GNB1L: variants seen among roughly 807,000 people sequenced by gnomAD.
GNB1L encodes the protein guanine nucleotide-binding protein subunit beta-like protein 1.
In GNB1L, 20 loss-of-function variants were observed where a neutral mutation model predicts 29.1. The ratio of observed to expected loss-of-function variants is 0.69; its 90% CI spans 0.48 to 1.00. The LOEUF (loss-of-function observed/expected upper bound fraction) is 1.00. Among genes scored for constraint, GNB1L ranks in the 50% least tolerant of loss-of-function variants. The pLI, the probability that GNB1L is intolerant of heterozygous loss-of-function variation, is 0.00. For synonymous variants in GNB1L, 193 were observed against 206.5 expected (o/e 0.93, Z 0.56); for missense variants, 421 against 464.9 (o/e 0.91, Z 0.87).
At chr22:19,803,699 C>T (rs1201170224) in intron 6 of GNB1L, among the ~76,000 whole-genome samples, 1 of 152,170 alleles carries the variant, frequency 6.6e-6, no homozygotes, top group Non-Finnish European at 1.5e-5. Context: ...AGTGGTGCGT[C>T]TGAACTCACA....
At chr22:19,824,455 T>A (rs1049284424) in intron 2 of GNB1L, among the ~76,000 whole-genome samples, 40 of 152,222 alleles carry the variant, frequency 2.6e-4, no homozygotes, top group African/African-American at 9.6e-4. Context: ...AGCACAACTT[T>A]GGCTTCTGCC....
chr22:19,836,208 G>A (rs559089688), intron 2 of GNB1L, among the ~76,000 whole-genome samples: 58 of 152,022 alleles, frequency 3.8e-4, no homozygotes, highest in African/African-American at 1.4e-3. Context: ...AATTAAAGAA[G>A]GGTTATCACT....
chr22:19,844,786 C>A (rs1937925825), intron 2 of GNB1L, among the ~76,000 whole-genome samples: 1 of 152,248 alleles, frequency 6.6e-6, no homozygotes, highest in South Asian at 2.1e-4. Flanking sequence ...GGCAGGAACC[C>A]AGCCAGCAGA....
chr22:19,823,248 G>A (rs1937593235), intron 2 of GNB1L, among the ~76,000 whole-genome samples: 1 of 152,214 alleles, frequency 6.6e-6, no homozygotes, highest in African/African-American at 2.4e-5. Context: ...ACCTTTGGCT[G>A]AAAGCCAACT....
intron 2 of GNB1L, among the ~76,000 whole-genome samples, chr22:19,821,934 T>C (rs1386637139): frequency 1.3e-5 from 2 of 152,118 alleles, no homozygotes; most frequent in East Asian, 1.9e-4. Flanking sequence ...GTGTCTCTCT[T>C]GGGAGCCACC....
rs1041542844 is a variant in GNB1L, at chr22:19,816,128, C to T, written c.255-3681G>A. Among the ~76,000 whole-genome samples, 3 of 152,168 alleles carry T rather than the reference C, an allele frequency of 2.0e-5. No homozygotes were observed. The highest frequency in any genetic ancestry group is 2.9e-5 in the Non-Finnish European group (2 of 68,018). ...CGCGGGGCCCCGGCTGCCTCTGCCC[C>T]CTGCATGGCCCCTTCTCTCTCCCTG... On this transcript the variant is annotated intron_variant, in intron 4 of 7. Transcript: ENST00000329517. This position sits in a 1 kb window ranked among gnomAD's most constrained non-coding sequence, Gnocchi z 4.4.
intron 2 of GNB1L, among the ~76,000 whole-genome samples, chr22:19,834,011 G>A (rs1159281117): frequency 2.6e-5 from 4 of 151,862 alleles, no homozygotes; most frequent in Non-Finnish European, 4.4e-5. Flanking sequence ...TGGAATAATA[G>A]TAAAAGGTCT....
At chr22:19,818,947 C>T (rs1284144637) in intron 4 of GNB1L, among the ~76,000 whole-genome samples, 1 of 152,212 alleles carries the variant, frequency 6.6e-6, no homozygotes, top group Non-Finnish European at 1.5e-5. Context: ...GTCCCTCCCA[C>T]TCCCCATGGG....
At chr22:19,853,191 A>G (rs1001862618) in intron 2 of GNB1L, among the ~76,000 whole-genome samples, 4 of 149,922 alleles carry the variant, frequency 2.7e-5, no homozygotes, top group Non-Finnish European at 5.9e-5. Flanking sequence ...CCACCTTTCC[A>G]CAGTCCCCAT....
intron 2 of GNB1L, among the ~76,000 whole-genome samples, chr22:19,838,458 TA>T (rs1188078562): frequency 2.7e-5 from 4 of 147,270 alleles, no homozygotes; most frequent in African/African-American, 1.0e-4. Context: ...CTTATTTATT[TA>T]TTTTTTTATT....
At chr22:19,797,697 C>T (rs1377171927) in intron 7 of GNB1L, among the ~76,000 whole-genome samples, 1 of 152,176 alleles carries the variant, frequency 6.6e-6, no homozygotes, top group Non-Finnish European at 1.5e-5. Context: ...CTTGCCATGC[C>T]CTCAGCCACC....
intron 4 of GNB1L, among the ~76,000 whole-genome samples, chr22:19,814,191 A>C (rs1249305862): frequency 1.3e-5 from 2 of 152,160 alleles, no homozygotes; most frequent in African/African-American, 2.4e-5. Context: ...CCTATATTCC[A>C]ATTAAAGTAG....
intron 4 of GNB1L, 41 bp downstream of exon 4, chr22:19,820,557 C>T (rs370557688): frequency 7.1e-5 from 112 of 1,587,548 alleles, no homozygotes; most frequent in Non-Finnish European, 9.5e-5. Flanking sequence ...TTCCTGACTC[C>T]CCCGAAGGCC....
At chr22:19,848,311 T>C in intron 2 of GNB1L, 1 of 985,448 alleles carries the variant, frequency 1.0e-6, no homozygotes, top group Non-Finnish European at 1.2e-6. Flanking sequence ...CAGCAAACCC[T>C]GCCAGGCTCT....
chr22:19,794,430 G>T (rs1195539150), intron 7 of GNB1L, among the ~76,000 whole-genome samples: 1 of 152,170 alleles, frequency 6.6e-6, no homozygotes, highest in Non-Finnish European at 1.5e-5. Flanking sequence ...TGAGAAGGTT[G>T]CACACTCTTG....
chr22:19,830,724 G>A (rs1326522895), intron 2 of GNB1L, among the ~76,000 whole-genome samples: 1 of 152,186 alleles, frequency 6.6e-6, no homozygotes, highest in East Asian at 1.9e-4. Context: ...CAAAAATGTA[G>A]CATGCACAGA....
At chr22:19,843,509 A>G (rs1478416002) in intron 2 of GNB1L, among the ~76,000 whole-genome samples, 1 of 152,204 alleles carries the variant, frequency 6.6e-6, no homozygotes, top group Non-Finnish European at 1.5e-5. Flanking sequence ...CCCACCTCCC[A>G]GGGCTGACCG....
At chr22:19,846,101 A>G (rs1435500199) in intron 2 of GNB1L, 1 of 152,012 alleles carries the variant, frequency 6.6e-6, no homozygotes, top group Non-Finnish European at 1.5e-5. Context: ...TGGTCAGGAC[A>G]TAATAGGTTA....
At chr22:19,789,015 G>T (rs1427062019) in intron 7 of GNB1L, 55 bp from the exon 8 acceptor site, 5 of 1,523,548 alleles carry the variant, frequency 3.3e-6, no homozygotes, top group South Asian at 1.3e-5. Flanking sequence ...AGGCAGTGCT[G>T]CCCCTGGTGC....
Sources: gnomAD v4.1 joint callset for allele counts (sites outside exome capture counted in the v4.1 genomes callset) on GRCh38, gnomAD v4.1.1 for gene constraint, Gnocchi (gnomAD v3.1) non-coding constraint, MANE v1.5 for transcripts, NCBI Gene and HGNC (gene_info 2026-07-23, HGNC 2026-07-21) for gene names.